Variants in FAM110B observed in about 807,000 individuals in gnomAD.
FAM110B encodes protein FAM110B.
FAM110B carries 6 observed loss-of-function variants against 20.4 expected under a neutral mutation model. The ratio of observed to expected loss-of-function variants is 0.29; its 90% CI spans 0.16 to 0.58. The LOEUF (loss-of-function observed/expected upper bound fraction) is 0.58. FAM110B is among the 20% of genes least tolerant of loss of function. The pLI is 0.90. For missense variants in FAM110B, 434 were observed against 498.2 expected, an observed-to-expected ratio of 0.87 and a Z score of 1.23; for synonymous variants, 226 against 214.1, an observed-to-expected ratio of 1.06 and a Z score of -0.49.
intron 3 of FAM110B, among the ~76,000 whole-genome samples, chr8:58,103,790 C>T (rs1434912291): frequency 6.6e-6 from 1 of 152,156 alleles, no homozygotes; most frequent in African/African-American, 2.4e-5. Context: ...CCTCCTGCCT[C>T]CCACAGCCCC....
intron 3 of FAM110B, among the ~76,000 whole-genome samples, chr8:58,084,915 AC>A (rs1450314341): frequency 6.6e-6 from 1 of 152,090 alleles, no homozygotes; most frequent in African/African-American, 2.4e-5. Flanking sequence ...TAAGCATAGT[AC>A]AAGGAGTAGG....
chr8:58,018,190 C>A (rs1395953445), intron 1 of FAM110B, among the ~76,000 whole-genome samples: 1 of 152,090 alleles, frequency 6.6e-6, no homozygotes, highest in East Asian at 1.9e-4. Flanking sequence ...GTGCAGAGTG[C>A]TAAAAATCTT....
chr8:58,103,617 G>A (rs1006818778), intron 3 of FAM110B, among the ~76,000 whole-genome samples: 1 of 152,128 alleles, frequency 6.6e-6, no homozygotes, highest in Admixed American at 6.5e-5. Flanking sequence ...TCCAGGAGGT[G>A]TAAGGTATAA....
intron 3 of FAM110B, among the ~76,000 whole-genome samples, chr8:58,101,172 G>A (rs1486105250): frequency 4.0e-5 from 6 of 148,268 alleles, no homozygotes; most frequent in Non-Finnish European, 5.9e-5. Flanking sequence ...GTGAGACTCC[G>A]TCTCAAAAAA....
intron 3 of FAM110B, among the ~76,000 whole-genome samples, chr8:58,113,005 A>C (rs566808259): frequency 6.6e-6 from 1 of 152,286 alleles, no homozygotes; most frequent in South Asian, 2.1e-4. Context: ...TCACAGATGG[A>C]CATCTTTTCA....
chr8:58,031,882 T>C (rs1247367484), intron 2 of FAM110B, among the ~76,000 whole-genome samples, 179 bp downstream of exon 2: 1 of 152,136 alleles, frequency 6.6e-6, no homozygotes, highest in African/African-American at 2.4e-5. Context: ...CCCCTTCCTT[T>C]TCATATATTC....
intron 2 of FAM110B, among the ~76,000 whole-genome samples, chr8:58,061,095 A>C (rs1029528141): frequency 6.6e-6 from 1 of 152,204 alleles, no homozygotes; most frequent in Non-Finnish European, 1.5e-5. Context: ...AAAGCCTGGC[A>C]TTGATTTATA....
chr8:58,000,741 ATTACGC>A (rs1415810432), intron 1 of FAM110B, among the ~76,000 whole-genome samples: 1 of 152,214 alleles, frequency 6.6e-6, no homozygotes, highest in Non-Finnish European at 1.5e-5. Flanking sequence ...GTGAATCCTG[ATTACGC>A]TTGTGTGTTT....
At chr8:58,133,683 C>G (rs1803542975) in intron 3 of FAM110B, among the ~76,000 whole-genome samples, 1 of 151,462 alleles carries the variant, frequency 6.6e-6, no homozygotes, top group African/African-American at 2.4e-5. Flanking sequence ...GCATCTTGGT[C>G]AGGGGAGGCT....
intron 2 of FAM110B, among the ~76,000 whole-genome samples, chr8:58,063,468 T>TC (rs201635600): frequency 7.4e-6 from 1 of 134,654 alleles, no homozygotes; most frequent in African/African-American, 3.5e-5. Context: ...TCCTCATACA[T>TC]CATTTGAAAT....
At chr8:58,124,285 C>T (rs1807437540) in intron 3 of FAM110B, among the ~76,000 whole-genome samples, 1 of 152,216 alleles carries the variant, frequency 6.6e-6, no homozygotes, top group Admixed American at 6.5e-5. Context: ...CTTCACGTCC[C>T]TAATGACAAT....
At chr8:58,115,525 C>T (rs1807184540) in intron 3 of FAM110B, among the ~76,000 whole-genome samples, 1 of 152,158 alleles carries the variant, frequency 6.6e-6, no homozygotes, top group Non-Finnish European at 1.5e-5. Flanking sequence ...TCCCGAGTAG[C>T]TGGGACTTCA....
rs1803920697 is a variant in FAM110B at position 58,148,370 on chromosome 8, C to T, written c.*1027C>T. Reference sequence around the variant, plus strand: ...AACACACTTGGTAGCTGAACCATATCTGAGCAGCGTGATTCTGTTGTCTTG... The same window carrying T: ...AACACACTTGGTAGCTGAACCATATTTGAGCAGCGTGATTCTGTTGTCTTG... On this transcript the variant is annotated 3_prime_UTR_variant, in exon 4 of 4. Coordinates refer to ENST00000519262, the MANE Select transcript of FAM110B (RefSeq NM_001377989.1). The T allele has an allele frequency of 6.0e-6, 1 of 167,028 alleles. No individual in the cohort carries two copies. 10.3% of individuals were successfully genotyped at this position (167,028 alleles called of 1,614,324 possible). A position where few individuals can be genotyped will look rare whatever the true frequency, so the allele number is the denominator to read the frequency against.
At chr8:58,107,333 G>GTT (rs1224632998) in intron 3 of FAM110B, among the ~76,000 whole-genome samples, 1 of 151,984 alleles carries the variant, frequency 6.6e-6, no homozygotes, top group Admixed American at 6.6e-5. Flanking sequence ...CAACATTAAA[G>GTT]TTTTTTGTTG....
intron 3 of FAM110B, among the ~76,000 whole-genome samples, chr8:58,118,061 G>A (rs1173185991): frequency 6.6e-6 from 1 of 152,136 alleles, no homozygotes; most frequent in Admixed American, 6.5e-5. Flanking sequence ...TAAATCCTGT[G>A]TTCACAAATG....
Position 58,146,008 on chromosome 8 carries a change from G to C in FAM110B, c.-223G>C. On this transcript the variant is annotated 5_prime_UTR_variant, in exon 4 of 4. Transcript: ENST00000519262. ...AGATTAAAGGAACTTGTGGCTTGTG[G>C]CCTTTTTGTGCAAGGGCCGCCTGGA... 1 of 504,062 alleles carries C rather than the reference G, an allele frequency of 2.0e-6. No individual in the cohort carries two copies. The highest frequency in any genetic ancestry group is 3.5e-6 in the Non-Finnish European group (1 of 284,874). The allele number at this position is 504,062 out of a possible 1,614,324, so 31.2% of individuals were successfully genotyped here.
chr8:58,115,156 TG>T (rs1807170496), intron 3 of FAM110B, among the ~76,000 whole-genome samples: 1 of 143,984 alleles, frequency 6.9e-6, no homozygotes, highest in Non-Finnish European at 1.5e-5. Flanking sequence ...TGCCCCACCC[TG>T]GCCAATTTCT....
At chr8:58,006,672 G>A (rs1422887812) in intron 1 of FAM110B, among the ~76,000 whole-genome samples, 2 of 150,188 alleles carry the variant, frequency 1.3e-5, no homozygotes, top group African/African-American at 2.5e-5. Flanking sequence ...GCACGATCTC[G>A]GCTCACTGCA....
chr8:58,029,045 G>A (rs1804914022), intron 1 of FAM110B, among the ~76,000 whole-genome samples: 1 of 152,206 alleles, frequency 6.6e-6, no homozygotes. Flanking sequence ...GCACTGTGCA[G>A]CAATAAATAA....
Sources: gnomAD v4.1 joint callset for allele counts (sites outside exome capture counted in the v4.1 genomes callset) on GRCh38, gnomAD v4.1.1 for gene constraint, MANE v1.5 for transcripts, NCBI Gene and HGNC (gene_info 2026-07-23, HGNC 2026-07-21) for gene names.